Variants in CSMD2 observed in about 807,000 individuals in gnomAD.
The protein encoded by CSMD2 is CUB and sushi domain-containing protein 2.
A neutral mutation model predicts 398.5 loss-of-function variants in CSMD2; 130 were observed. The observed-to-expected ratio is 0.33, with a 90% CI of 0.28 to 0.38. The LOEUF is 0.38. CSMD2 is among the 10% of genes least tolerant of loss of function. The pLI, the probability that CSMD2 is intolerant of heterozygous loss-of-function variation, is 1.00. For missense variants in CSMD2, 3,829 were observed against 4,764.9 expected, an observed-to-expected ratio of 0.80 and a Z score of 5.78; for synonymous variants, 1,828 against 1,908.5, an observed-to-expected ratio of 0.96 and a Z score of 1.10.
intron 2 of CSMD2, among the ~76,000 whole-genome samples, chr1:34,085,379 A>C (rs1050652505): frequency 7.6e-5 from 4 of 52,932 alleles, no homozygotes; most frequent in Non-Finnish European, 1.2e-4. Context: ...TTAAAAGTAC[A>C]ATAATAATAA....
At chr1:33,584,419 C>G (rs1452132238) in intron 46 of CSMD2, among the ~76,000 whole-genome samples, 3 of 152,148 alleles carry the variant, frequency 2.0e-5, no homozygotes, top group African/African-American at 7.2e-5. Flanking sequence ...TGCCTGTAAT[C>G]CCAGCGCTGT....
At chr1:33,592,412 C>G (rs1639522079) in intron 44 of CSMD2, 1 of 715,882 alleles carries the variant, frequency 1.4e-6, no homozygotes, top group Admixed American at 2.0e-5. Flanking sequence ...GTGTCCACCT[C>G]TGGTCCAAGC....
At chr1:33,613,774 C>CAGTTCCAT (rs1292038327) in intron 40 of CSMD2, among the ~76,000 whole-genome samples, 2 of 152,196 alleles carry the variant, frequency 1.3e-5, no homozygotes, top group Non-Finnish European at 2.9e-5. Flanking sequence ...TACGGCCCAT[C>CAGTTCCAT]AGTTCCATGT....
chr1:33,785,621 AAG>A (rs1172016036), intron 12 of CSMD2, among the ~76,000 whole-genome samples: 3 of 152,244 alleles, frequency 2.0e-5, no homozygotes, highest in Non-Finnish European at 4.4e-5. Flanking sequence ...AAGGCTTACA[AAG>A]AGCAAAAGAG....
chr1:33,714,675 G>A lies in CSMD2; in HGVS notation c.3318C>T (p.Phe1106=), dbSNP rs1407986130. The A allele has an allele frequency of 1.2e-6, 2 of 1,614,054 alleles. No homozygotes were observed. The highest frequency in any genetic ancestry group is 1.7e-6 in the Non-Finnish European group (2 of 1,180,048). Residue 1106 remains phenylalanine (F), a synonymous_variant, in exon 21 of 71, where the codon TTC becomes TTT. Coordinates refer to ENST00000373381, the MANE Select transcript of CSMD2 (RefSeq NM_001281956.2). ...GVGDTLTFSC[F]PGYRLEGTAR... ...CGGTGCCCTCCAGACGGTACCCGGGGAAGCAGGAGAAGGTCAAGGTGTCGC... is the reference window on the plus strand; with the variant it reads ...CGGTGCCCTCCAGACGGTACCCGGGAAAGCAGGAGAAGGTCAAGGTGTCGC...
chr1:33,796,566 G>A (rs6425839), intron 10 of CSMD2, among the ~76,000 whole-genome samples: 2 of 152,052 alleles, frequency 1.3e-5, no homozygotes, highest in East Asian at 3.9e-4. Flanking sequence ...ATCTTTGTAA[G>A]CTGAGAGTAT....
In CSMD2 at chr1:33,610,881, A is replaced by G. The variant is rs11808320; in HGVS notation, c.6343+160T>C. On this transcript the variant is annotated intron_variant, in intron 41 of 70. Transcript: ENST00000373381. The stretch of plus-strand genomic sequence containing the variant: ...TTAAGCTGACAAATGGGGTCCGGAG[A>G]GATCTGCCACCAAAAGGAAGCTTCC... Among the ~76,000 whole-genome samples, 535 of 152,158 alleles carry G rather than the reference A, an allele frequency of 3.5e-3. 1 individual carries two copies. Among genetic ancestry groups the G allele is most frequent in the African/African-American group, 0.012 (508 of 41,500 alleles).
rs148204666 is a variant in CSMD2 at position 34,033,615 on chromosome 1, C to T, written c.405-909G>A. 8.1e-4 allele frequency among the ~76,000 whole-genome samples: 123 copies of T among 152,336 alleles called. 1 individual carries two copies. The Middle Eastern group carries it at 0.01, about 13-fold the overall frequency. The stretch of plus-strand genomic sequence containing the variant: ...AGTGAGGTGGCCAGTCTCCTACACA[C>T]CTTTGTCCTTAACCCCCTCTAAGCC... On this transcript the variant is annotated intron_variant, in intron 2 of 70. Transcript: ENST00000373381.
chr1:33,675,341 AT>A (rs1395202645), intron 25 of CSMD2, among the ~76,000 whole-genome samples: 1 of 152,240 alleles, frequency 6.6e-6, no homozygotes, highest in African/African-American at 2.4e-5. Flanking sequence ...CTCTATGCAA[AT>A]AAACTAGAAA....
intron 57 of CSMD2, among the ~76,000 whole-genome samples, chr1:33,544,409 G>T (rs1046725839): frequency 6.6e-6 from 1 of 151,900 alleles, no homozygotes; most frequent in Admixed American, 6.6e-5. Flanking sequence ...GAGCCACCGC[G>T]CCCGGCCTCC....
chr1:33,967,851 G>A (rs1280252645), intron 3 of CSMD2, among the ~76,000 whole-genome samples: 3 of 152,140 alleles, frequency 2.0e-5, no homozygotes, highest in Non-Finnish European at 4.4e-5. Context: ...ATGAAGGAAG[G>A]AGGGCTTGTC....
intron 3 of CSMD2, among the ~76,000 whole-genome samples, chr1:33,938,676 T>C (rs1644563657): frequency 6.6e-6 from 1 of 151,196 alleles, no homozygotes; most frequent in Non-Finnish European, 1.5e-5. Context: ...CTCCTGCTGC[T>C]GACTTACCTG....
At chr1:33,795,801 C>T (rs533620983) in intron 10 of CSMD2, among the ~76,000 whole-genome samples, 200 of 152,328 alleles carry the variant, frequency 1.3e-3, no homozygotes, top group African/African-American at 4.6e-3. Context: ...CAGTTCCTGT[C>T]GGTGGGCCAG....
intron 3 of CSMD2, among the ~76,000 whole-genome samples, chr1:33,980,010 T>C (rs1646110839): frequency 1.3e-5 from 2 of 152,192 alleles, no homozygotes; most frequent in African/African-American, 2.4e-5. Context: ...GAGATTCTTG[T>C]AGGCAACTTG....
intron 6 of CSMD2, among the ~76,000 whole-genome samples, chr1:33,832,536 C>A (rs1446163123): frequency 6.7e-6 from 1 of 149,764 alleles, no homozygotes. Flanking sequence ...TAAATGCCCA[C>A]AAGAGAAAGC....
chr1:33,549,417 G>A (rs1285683258), intron 56 of CSMD2, among the ~76,000 whole-genome samples: 2 of 152,188 alleles, frequency 1.3e-5, no homozygotes, highest in African/African-American at 4.8e-5. Flanking sequence ...AAGCTGCAAG[G>A]CACTAATATT....
At chr1:33,832,103 C>T (rs1254192660) in intron 6 of CSMD2, among the ~76,000 whole-genome samples, 9 of 129,198 alleles carry the variant, frequency 7.0e-5, no homozygotes, top group Non-Finnish European at 1.4e-4. Flanking sequence ...GACAGATCAA[C>T]GAGACAGAAA....
At chr1:33,642,947 A>G (rs1459661824) in intron 29 of CSMD2, among the ~76,000 whole-genome samples, 1 of 152,144 alleles carries the variant, frequency 6.6e-6, no homozygotes. Flanking sequence ...CTCAGAGAGT[A>G]ATTTCCCCTG....
chr1:34,084,119 C>T lies in CSMD2; in HGVS notation c.404+4858G>A, dbSNP rs146697603. Among the ~76,000 whole-genome samples, 378 of 152,244 alleles carry T rather than the reference C, an allele frequency of 2.5e-3. 1 individual carries two copies. The highest frequency in any genetic ancestry group is 7.5e-3 in the South Asian group (36 of 4,824). The stretch of plus-strand genomic sequence containing the variant: ...AGGGAAAACCCAATGAAGGTTCAAC[C>T]CCAGAGCCTCATCCTCATGGCTGGT... On this transcript the variant is annotated intron_variant, in intron 2 of 70. Transcript: ENST00000373381.
Sources: gnomAD v4.1 joint callset for allele counts (sites outside exome capture counted in the v4.1 genomes callset) on GRCh38, gnomAD v4.1.1 for gene constraint, MANE v1.5 for transcripts, NCBI Gene and HGNC (gene_info 2026-07-23, HGNC 2026-07-21) for gene names.